Variants in CACNA2D3 observed in about 807,000 individuals in gnomAD.
CACNA2D3 encodes calcium voltage-gated channel auxiliary subunit alpha2delta 3, also known as voltage-dependent calcium channel subunit alpha-2/delta-3.
Under a neutral mutation model 160.6 loss-of-function variants are expected in CACNA2D3, and 60 were observed. The observed-to-expected ratio is 0.37, with a 90% CI of 0.30 to 0.46. The LOEUF (loss-of-function observed/expected upper bound fraction) is 0.46, where lower values mean the gene tolerates loss of function less well. CACNA2D3 is among the 20% of genes least tolerant of loss of function. The pLI is 1.00. For missense variants in CACNA2D3, 1,205 were observed against 1,365.0 expected, an observed-to-expected ratio of 0.88 and a Z score of 1.85; for synonymous variants, 558 against 492.9, an observed-to-expected ratio of 1.13 and a Z score of -1.75.
rs1327729256 is a variant in CACNA2D3, at chr3:54,122,850, C to T, written c.122+15C>T. ...CCGCTCTCCGTGTAAGTGCCGGCTC[C>T]TGCGCCGCCCGGGGAGGGGACCTTG... On this transcript the variant is annotated intron_variant, in intron 1 of 37. Coordinates refer to ENST00000474759, the MANE Select transcript of CACNA2D3 (RefSeq NM_018398.3). 3.3e-6 allele frequency: 4 copies of T among 1,226,260 alleles called. No homozygotes were observed. The highest frequency in any genetic ancestry group is 3.1e-5 in the African/African-American group (2 of 63,796). 76.0% of individuals were successfully genotyped at this position (1,226,260 alleles called of 1,614,324 possible).
intron 35 of CACNA2D3, among the ~76,000 whole-genome samples, chr3:55,061,853 C>T (rs890622294): frequency 1.3e-5 from 2 of 152,178 alleles, no homozygotes; most frequent in African/African-American, 4.8e-5. Flanking sequence ...GGACTAGCTC[C>T]TCAGAAGCAC....
chr3:54,887,748 C>T (rs111835602), intron 23 of CACNA2D3, among the ~76,000 whole-genome samples: 6 of 152,316 alleles, frequency 3.9e-5, no homozygotes, highest in African/African-American at 1.4e-4. Flanking sequence ...AGTTGACTAC[C>T]TTCTTGCCCA....
At chr3:54,736,133 A>ATATATATATATG (rs1701525379) in intron 11 of CACNA2D3, among the ~76,000 whole-genome samples, 1 of 75,388 alleles carries the variant, frequency 1.3e-5, no homozygotes, top group Non-Finnish European at 2.7e-5. Context: ...ATATATATGT[A>ATATATATATATG]TATATATACA....
At chr3:55,024,786 A>T (rs1407316201) in intron 35 of CACNA2D3, among the ~76,000 whole-genome samples, 1 of 152,210 alleles carries the variant, frequency 6.6e-6, no homozygotes, top group Admixed American at 6.5e-5. Flanking sequence ...CATTCTGCTG[A>T]AATGTGAATA....
intron 35 of CACNA2D3, among the ~76,000 whole-genome samples, chr3:55,065,731 AGGAAGGAAAG>A (rs1328091554): frequency 1.6e-4 from 24 of 145,940 alleles, no homozygotes; most frequent in Admixed American, 1.5e-3. Flanking sequence ...AGGGAAGGAA[AGGAAGGAAAG>A]GGAAGGAAAG....
intron 2 of CACNA2D3, among the ~76,000 whole-genome samples, chr3:54,302,878 C>T (rs1437126705): frequency 1.3e-5 from 2 of 152,000 alleles, no homozygotes; most frequent in African/African-American, 2.4e-5. Flanking sequence ...CTTTCTGCCT[C>T]TTGCCCTCTG....
intron 3 of CACNA2D3, among the ~76,000 whole-genome samples, chr3:54,349,560 G>A (rs1020680980): frequency 1.3e-5 from 2 of 152,000 alleles, no homozygotes; most frequent in African/African-American, 4.8e-5. Flanking sequence ...ATTTCACTAT[G>A]CTCCTTTAAT....
intron 17 of CACNA2D3, among the ~76,000 whole-genome samples, chr3:54,850,375 G>C (rs2106781784): frequency 6.6e-6 from 1 of 152,298 alleles, no homozygotes; most frequent in East Asian, 1.9e-4. Flanking sequence ...AATGCTTTTT[G>C]AGTTGTTATG....
At chr3:55,021,661 G>GTATATATATATA (rs1559465970) in intron 35 of CACNA2D3, among the ~76,000 whole-genome samples, 22 of 138,362 alleles carry the variant, frequency 1.6e-4, no homozygotes, top group African/African-American at 8.4e-5. Flanking sequence ...ATATATATGT[G>GTATATATATATA]TGTGTATATA....
chr3:54,571,612 AGTGTGT>A (rs58652360), intron 8 of CACNA2D3, among the ~76,000 whole-genome samples: 25,266 of 136,088 alleles, frequency 0.19, 2,620 homozygotes, highest in African/African-American at 0.29. Flanking sequence ...CACTTAACCA[AGTGTGT>A]GTGTGTGTGT....
At chr3:54,390,418 C>T (rs1699259494) in intron 4 of CACNA2D3, among the ~76,000 whole-genome samples, 2 of 152,100 alleles carry the variant, frequency 1.3e-5, no homozygotes, top group South Asian at 4.2e-4. Context: ...AGTTTTTGTT[C>T]TCTTGGGAAC....
chr3:55,057,649 A>G (rs1246117405), intron 35 of CACNA2D3, among the ~76,000 whole-genome samples: 1 of 152,158 alleles, frequency 6.6e-6, no homozygotes, highest in African/African-American at 2.4e-5. Flanking sequence ...GGAACAAAAC[A>G]CTTCTCATGG....
chr3:54,282,497 G>C (rs1410057484), intron 2 of CACNA2D3, among the ~76,000 whole-genome samples: 1 of 152,158 alleles, frequency 6.6e-6, no homozygotes, highest in Non-Finnish European at 1.5e-5. Context: ...CCTCATGAGG[G>C]GTCAATGTAC....
chr3:54,542,999 T>C (rs1276909289), intron 5 of CACNA2D3, among the ~76,000 whole-genome samples: 2 of 152,266 alleles, frequency 1.3e-5, no homozygotes, highest in African/African-American at 2.4e-5. Context: ...GAACACCTCA[T>C]GTGTCCACTT....
intron 27 of CACNA2D3, among the ~76,000 whole-genome samples, chr3:54,903,284 C>T (rs192299698): frequency 1.3e-5 from 2 of 152,180 alleles, no homozygotes; most frequent in Non-Finnish European, 2.9e-5. Flanking sequence ...TTAGCTCCCA[C>T]GTATAAGTGA....
At chr3:55,061,768 A>G (rs1226420544) in intron 35 of CACNA2D3, among the ~76,000 whole-genome samples, 1 of 152,228 alleles carries the variant, frequency 6.6e-6, no homozygotes, top group Admixed American at 6.5e-5. Flanking sequence ...TTCAGTACCC[A>G]TCTCTGAACC....
chr3:54,797,571 A>G (rs1702891819), intron 13 of CACNA2D3, among the ~76,000 whole-genome samples: 1 of 151,672 alleles, frequency 6.6e-6, no homozygotes. Flanking sequence ...TCTCCCCACC[A>G]CCCCCATTTT....
At chr3:54,967,638 C>T (rs1702181900) in intron 27 of CACNA2D3, among the ~76,000 whole-genome samples, 1 of 152,152 alleles carries the variant, frequency 6.6e-6, no homozygotes, top group Admixed American at 6.5e-5. Flanking sequence ...CTCAAGTTTT[C>T]CCACCATCTG....
At chr3:54,741,669 A>G (rs1227448610) in intron 11 of CACNA2D3, among the ~76,000 whole-genome samples, 2 of 151,372 alleles carry the variant, frequency 1.3e-5, no homozygotes, top group African/African-American at 2.4e-5. Flanking sequence ...TTAGGGATCC[A>G]TGTATGTGTT....
Sources: allele counts gnomAD v4.1 joint callset (sites outside exome capture counted in the v4.1 genomes callset), GRCh38; gene constraint gnomAD v4.1.1; transcripts MANE v1.5; gene names NCBI Gene and HGNC (gene_info 2026-07-23, HGNC 2026-07-21).